LRRC8E: variants seen among roughly 807,000 people sequenced by gnomAD.
The protein encoded by LRRC8E is leucine rich repeat containing 8 VRAC subunit E, also known as volume-regulated anion channel subunit LRRC8E.
A neutral mutation model predicts 6.1 loss-of-function variants in LRRC8E; 6 were observed. The ratio of observed to expected loss-of-function variants is 0.98; its 90% CI spans 0.54 to 1.93. LRRC8E has a LOEUF of 1.93. Among genes scored for constraint, LRRC8E ranks in the 30% most tolerant of loss-of-function variants. The pLI is 0.01. For missense variants in LRRC8E, 1,028 were observed against 1,031.4 expected (o/e 1.00, Z 0.04); for synonymous variants, 485 against 472.8 (o/e 1.03, Z -0.33).
In LRRC8E at chr19:7,899,145, C is replaced by A. The variant is rs767909728; in HGVS notation, c.623C>A (p.Ala208Glu). The change falls in exon 3 of 3, where the codon GCG becomes GAG. Residue 208 changes from alanine (A) to glutamate (E), a missense_variant. Ala to Glu is a moderately radical substitution (Grantham distance 107). Transcript: ENST00000306708. ...AGEGEKEKVL[A>E]EPEKVVTEPP... Reference sequence around the variant, plus strand: ...GAGGGTGAGAAGGAGAAAGTGCTGGCGGAACCGGAGAAGGTGGTGACCGAG... The same window carrying A: ...GAGGGTGAGAAGGAGAAAGTGCTGGAGGAACCGGAGAAGGTGGTGACCGAG... 2 of 1,613,606 alleles carry A rather than the reference C, an allele frequency of 1.2e-6. No individual in the cohort carries two copies. The highest frequency in any genetic ancestry group is 1.7e-5 in the Admixed American group (1 of 60,014).
At position 7,900,339 on chromosome 19, in the gene LRRC8E, C is replaced by T. The variant is rs1981920000; in HGVS notation, c.1817C>T (p.Ala606Val). The change falls in exon 3 of 3, where the codon GCG becomes GTG. Residue 606 changes from alanine (A) to valine (V), a missense_variant. Transcript: ENST00000306708. This position sits in a 1 kb window ranked among gnomAD's most constrained non-coding sequence, Gnocchi z 5.0. Reference protein sequence around the residue: ...RIPHAVFSLGALQELDLKDNH... With the variant: ...RIPHAVFSLGVLQELDLKDNH... The stretch of plus-strand genomic sequence containing the variant: ...CCCCATGCAGTGTTCAGCCTGGGTG[C>T]GCTGCAGGAACTTGACCTCAAGGAC... The T allele has an allele frequency of 1.2e-6, 2 of 1,613,192 alleles. No individual in the cohort carries two copies. The highest frequency in any genetic ancestry group is 2.2e-5 in the East Asian group (1 of 44,870).
Position 7,899,883 on chromosome 19 carries a change from C to CG in LRRC8E, c.1365dup (p.Leu456AlafsTer156). Reference sequence around the variant, plus strand: ...GCCATCTGCGATATCACCTTCCCCCCGGGGCTGTCACAGCTGGTGCACTTG... The same window carrying CG: ...GCCATCTGCGATATCACCTTCCCCCCGGGGGCTGTCACAGCTGGTGCACTTG... On this transcript the variant is annotated frameshift_variant, in exon 3 of 3. Coordinates refer to ENST00000306708, the MANE Select transcript of LRRC8E (RefSeq NM_025061.6). LOFTEE classifies it low-confidence loss of function (END_TRUNC). The CG allele has an allele frequency of 6.2e-7, 1 of 1,606,944 alleles. No individual in the cohort carries two copies.
At chr19:7,890,633 C>G (rs1981252871) in intron 1 of LRRC8E, among the ~76,000 whole-genome samples, 1 of 151,804 alleles carries the variant, frequency 6.6e-6, no homozygotes, top group South Asian at 2.1e-4. Flanking sequence ...ACTAAAATTA[C>G]AAAAAATTAG....
rs75045035 is a variant in LRRC8E, at chr19:7,895,145, C to T, written c.-5-454C>T. 108 of 157,834 alleles carry T rather than the reference C, an allele frequency of 6.8e-4. 1 individual carries two copies. The East Asian group carries it at 0.016, about 23-fold the overall frequency. 9.8% of individuals were successfully genotyped at this position (157,834 alleles called of 1,614,324 possible). A position where few individuals can be genotyped will look rare whatever the true frequency, so the allele number is the denominator to read the frequency against. ...GCCCCGGAAGTCCTGAGCCTTGGAA[C>T]GCTTTCAGGCCTGGTGGCGGTGGGA... is the stretch of plus-strand genomic sequence containing the variant. On this transcript the variant is annotated intron_variant, in intron 1 of 2. Transcript: ENST00000306708. This position sits in a 1 kb window ranked among gnomAD's most constrained non-coding sequence, Gnocchi z 4.7.
Position 7,895,857 on chromosome 19 carries a change from T to C in LRRC8E, c.138+116T>C. 3.0e-6 allele frequency: 4 copies of C among 1,347,740 alleles called. No homozygotes were observed. The highest frequency in any genetic ancestry group is 1.4e-5 in the South Asian group (1 of 73,320). The allele number at this position is 1,347,740 out of a possible 1,614,324, so 83.5% of individuals were successfully genotyped here. ...GAGGAAACTGAAGACAGAGCCCCAC[T>C]CAAAGGCCAATCCAGACCCCTTATC... On this transcript the variant is annotated intron_variant, in intron 2 of 2. Transcript: ENST00000306708. This position sits in a 1 kb window ranked among gnomAD's most constrained non-coding sequence, Gnocchi z 4.7.
Position 7,900,758 on chromosome 19 carries a change from G to C in LRRC8E, c.2236G>C (p.Ala746Pro). The change falls in exon 3 of 3, where the codon GCC becomes CCC. Residue 746 changes from alanine to proline, a missense_variant. Coordinates refer to ENST00000306708, the MANE Select transcript of LRRC8E (RefSeq NM_025061.6). The surrounding 1 kb of genome is among the most constrained non-coding windows in gnomAD (Gnocchi z 5.0). ...QLSPHVGALR[A>P]LSRLELKGNR... is the part of the protein sequence containing the mutation. ...CTCGCCCCACGTGGGTGCCCTCAGA[G>C]CCCTCAGCCGCCTGGAGCTCAAAGG... The C allele has an allele frequency of 6.2e-7, 1 of 1,611,366 alleles. No individual in the cohort carries two copies.
In LRRC8E at chr19:7,900,768, G is replaced by A. The variant is rs754560235; in HGVS notation, c.2246G>A (p.Arg749His). 8.7e-6 allele frequency: 14 copies of A among 1,610,400 alleles called. No individual in the cohort carries two copies. Among genetic ancestry groups the A allele is most frequent in the Middle Eastern group, 1.7e-4 (1 of 6,040 alleles). The change falls in exon 3 of 3, where the codon CGC becomes CAC. Residue 749 changes from arginine (R) to histidine (H), a missense_variant. Physicochemically the swap from Arg to His is conservative, Grantham distance 29. Coordinates refer to ENST00000306708, the MANE Select transcript of LRRC8E (RefSeq NM_025061.6). The surrounding 1 kb of genome is among the most constrained non-coding windows in gnomAD (Gnocchi z 5.0). ...PHVGALRALS[R>H]LELKGNRLEA... ...GTGGGTGCCCTCAGAGCCCTCAGCC[G>A]CCTGGAGCTCAAAGGCAACCGCTTA...
rs536825664 is a variant in LRRC8E, at chr19:7,899,689, C to T, written c.1167C>T (p.Ser389=). The change falls in exon 3 of 3, where the codon AGC becomes AGT. Residue 389 remains serine, a synonymous_variant. Coordinates refer to ENST00000306708, the MANE Select transcript of LRRC8E (RefSeq NM_025061.6). Reference sequence around the variant, plus strand: ...TCGCCGTCTTCCTGTCCGAGGTCAGCGAAAGCCGTCTAAAGCAGCTCAATC... The same window carrying T: ...TCGCCGTCTTCCTGTCCGAGGTCAGTGAAAGCCGTCTAAAGCAGCTCAATC... The part of the protein sequence containing the change: ...KRFAVFLSEV[S]ESRLKQLNLN... 4.9e-5 allele frequency: 79 copies of T among 1,613,596 alleles called. No individual in the cohort carries two copies. The highest frequency in any genetic ancestry group is 1.2e-4 in the Admixed American group (7 of 60,022).
intron 2 of LRRC8E, among the ~76,000 whole-genome samples, chr19:7,898,041 C>T (rs1443719772): frequency 6.6e-6 from 1 of 151,974 alleles, no homozygotes; most frequent in African/African-American, 2.4e-5. Flanking sequence ...GAAACCCCAT[C>T]TCTACTAAAA....
chr19:7,898,979 C>T lies in LRRC8E; in HGVS notation c.457C>T (p.Leu153=). 1 of 1,614,140 alleles carries T rather than the reference C, an allele frequency of 6.2e-7. No individual in the cohort carries two copies. The change falls in exon 3 of 3, where the codon CTG becomes TTG. Residue 153 remains leucine (L), a synonymous_variant. Coordinates refer to ENST00000306708, the MANE Select transcript of LRRC8E (RefSeq NM_025061.6). ...SSKIEHFISI[L]GKCFDSPWTT... ...CAAGATTGAACACTTCATCTCCATCCTGGGCAAGTGTTTCGACTCTCCATG... is the reference window on the plus strand; with the variant it reads ...CAAGATTGAACACTTCATCTCCATCTTGGGCAAGTGTTTCGACTCTCCATG...
At chr19:7,897,243 C>T (rs1450731315) in intron 2 of LRRC8E, among the ~76,000 whole-genome samples, 3 of 151,432 alleles carry the variant, frequency 2.0e-5, no homozygotes, top group Non-Finnish European at 4.4e-5. Context: ...GATCTCGGCT[C>T]ACTGCAACCT....
chr19:7,899,238 A>G lies in LRRC8E; in HGVS notation c.716A>G (p.Lys239Arg). The change falls in exon 3 of 3, where the codon AAG becomes AGG. Residue 239 changes from lysine (K) to arginine (R), a missense_variant. Lys to Arg is a conservative substitution (Grantham distance 26). Coordinates refer to ENST00000306708, the MANE Select transcript of LRRC8E (RefSeq NM_025061.6). ...EQAKALFEKVKKFRMHVEEGD... is the reference protein window; with the variant it reads ...EQAKALFEKVRKFRMHVEEGD... ...GCCAAAGCCCTGTTTGAGAAGGTGA[A>G]GAAGTTCCGCATGCACGTGGAAGAG... 6.2e-7 allele frequency: 1 copy of G among 1,614,228 alleles called. No individual in the cohort carries two copies. The highest frequency in any genetic ancestry group is 1.3e-5 in the African/African-American group (1 of 75,076).
chr19:7,891,682 C>T (rs1981324679), intron 1 of LRRC8E, among the ~76,000 whole-genome samples: 1 of 152,098 alleles, frequency 6.6e-6, no homozygotes, highest in Admixed American at 6.6e-5. Flanking sequence ...TCTTGGCTCA[C>T]TGCAGCTTCT....
In LRRC8E at chr19:7,898,740, T is replaced by C; in HGVS notation, c.218T>C (p.Leu73Pro). The C allele has an allele frequency of 1.9e-6, 3 of 1,614,030 alleles. No homozygotes were observed. Among genetic ancestry groups the C allele is most frequent in the Non-Finnish European group, 1.7e-6 (2 of 1,179,972 alleles). ...NLSEAPCQQL[L>P]PRGIPEQIGA... ...TCAGAGGCCCCGTGCCAGCAATTGCTGCCTCGGGGGATCCCTGAGCAGATT... is the reference window on the plus strand; with the variant it reads ...TCAGAGGCCCCGTGCCAGCAATTGCCGCCTCGGGGGATCCCTGAGCAGATT... Residue 73 changes from leucine (L) to proline (P), a missense_variant, in exon 3 of 3, where the codon CTG (leucine) becomes CCG (proline). Transcript: ENST00000306708.
intron 2 of LRRC8E, among the ~76,000 whole-genome samples, chr19:7,896,847 G>T (rs1019855060): frequency 3.3e-5 from 5 of 151,992 alleles, no homozygotes; most frequent in Admixed American, 6.6e-5. Context: ...CTCCCACCTC[G>T]GCCTCCCAAA....
In LRRC8E at chr19:7,890,302, A is replaced by G. The variant is rs1362898786; in HGVS notation, c.-6+1702A>G. Among the ~76,000 whole-genome samples the G allele has an allele frequency of 2.0e-5, 3 of 151,952 alleles. No homozygotes were observed. The East Asian group carries it at 5.8e-4, about 29-fold the overall frequency. On this transcript the variant is annotated intron_variant, in intron 1 of 2. Coordinates refer to ENST00000306708, the MANE Select transcript of LRRC8E (RefSeq NM_025061.6). ...TGGAGCCAGGGCTGGTGGGAGCCAC[A>G]TGGTCTCAGGCTGGAAAGCCTTCCA...
At chr19:7,897,989 C>G (rs761959287) in intron 2 of LRRC8E, among the ~76,000 whole-genome samples, 5 of 151,974 alleles carry the variant, frequency 3.3e-5, no homozygotes, top group African/African-American at 4.8e-5. Flanking sequence ...GGCAGGGGAT[C>G]ACTTGAGGCC....
intron 1 of LRRC8E, among the ~76,000 whole-genome samples, chr19:7,894,927 G>A (rs2145101326): frequency 6.6e-6 from 1 of 152,374 alleles, no homozygotes; most frequent in South Asian, 2.1e-4. Context: ...GTTTCTGCCT[G>A]TGATTCTGGG....
chr19:7,899,201 G>A lies in LRRC8E; in HGVS notation c.679G>A (p.Glu227Lys), dbSNP rs1205568497. 3 of 1,614,072 alleles carry A rather than the reference G, an allele frequency of 1.9e-6. No homozygotes were observed. The highest frequency in any genetic ancestry group is 2.5e-6 in the Non-Finnish European group (3 of 1,180,044). Reference sequence around the variant, plus strand: ...AGTTGTCACCCTGTTGGACAAGAAGGAGGGTGAGCAAGCCAAAGCCCTGTT... The same window carrying A: ...AGTTGTCACCCTGTTGGACAAGAAGAAGGGTGAGCAAGCCAAAGCCCTGTT... ...PPVVTLLDKK[E>K]GEQAKALFEK... Residue 227 changes from glutamate (E) to lysine (K), a missense_variant, in exon 3 of 3, where the codon GAG (glutamate) becomes AAG (lysine). By Grantham distance (56) the Glu-to-Lys change is moderately conservative. Coordinates refer to ENST00000306708, the MANE Select transcript of LRRC8E (RefSeq NM_025061.6).
Sources: gnomAD v4.1 joint callset for allele counts (sites outside exome capture counted in the v4.1 genomes callset) on GRCh38, gnomAD v4.1.1 for gene constraint, Gnocchi (gnomAD v3.1) non-coding constraint, MANE v1.5 for transcripts, NCBI Gene and HGNC (gene_info 2026-07-23, HGNC 2026-07-21) for gene names.